Variants in CTDSP2 observed in about 807,000 individuals in gnomAD.
CTDSP2 encodes the protein carboxy-terminal domain RNA polymerase II polypeptide A small phosphatase 2.
Under a neutral mutation model 31.6 loss-of-function variants are expected in CTDSP2, and 9 were observed. The ratio of observed to expected loss-of-function variants is 0.28; its 90% CI spans 0.17 to 0.50. The LOEUF (loss-of-function observed/expected upper bound fraction) is 0.50, where lower values mean the gene tolerates loss of function less well. CTDSP2 is among the 20% of genes least tolerant of loss of function. The pLI is 0.98. For missense variants in CTDSP2, 267 were observed against 348.5 expected, an observed-to-expected ratio of 0.77 and a Z score of 1.86; for synonymous variants, 134 against 134.5, an observed-to-expected ratio of 1.00 and a Z score of 0.03.
chr12:57,823,306 CCACTGAAACACTATA>C lies in CTDSP2; in HGVS notation c.*281_*295del, dbSNP rs780163574. 3.1e-4 allele frequency: 127 copies of C among 412,846 alleles called. No individual in the cohort carries two copies. Among genetic ancestry groups the C allele is most frequent in the South Asian group, 1.6e-3 (61 of 37,832 alleles). 25.6% of individuals were successfully genotyped at this position (412,846 alleles called of 1,614,324 possible). A position where few individuals can be genotyped will look rare whatever the true frequency, so the allele number is the denominator to read the frequency against. ...GAGTCTTGGTCTTTCAGCTTCTCCC[CCACTGAAACACTATA>C]CACTGGGGCCACAGTTCATGGCAAA... On this transcript the variant is annotated 3_prime_UTR_variant, in exon 8 of 8. Transcript: ENST00000398073.
At chr12:57,846,311 C>T in intron 1 of CTDSP2, 61 bp downstream of exon 1, 1 of 1,495,906 alleles carries the variant, frequency 6.7e-7, no homozygotes, top group Non-Finnish European at 9.1e-7. Context: ...GGGTTCGGGG[C>T]TGTGCTAGCC....
At position 57,824,011 on chromosome 12, in the gene CTDSP2, G is replaced by A. The variant is rs1049782028; in HGVS notation, c.583C>T (p.His195Tyr). 1 of 1,613,978 alleles carries A rather than the reference G, an allele frequency of 6.2e-7. No homozygotes were observed. The highest frequency in any genetic ancestry group is 8.5e-7 in the Non-Finnish European group (1 of 1,180,016). The change falls in exon 7 of 8, where the codon CAC (histidine) becomes TAC (tyrosine). Residue 195 changes from histidine (H) to tyrosine (Y), a missense_variant. This residue lies in a region of CTDSP2 where 156 missense variants were observed against 241.3 expected (regional missense o/e 0.65). Transcript: ENST00000398073. ...ARLFRESCVF[H>Y]QGCYVKDLSR... is the part of the protein sequence containing the mutation. The stretch of plus-strand genomic sequence containing the variant: ...AGGTCCTTGACGTAGCAGCCCTGGT[G>A]GAACACGCAAGACTCACGGAATAGG...
At chr12:57,839,537 T>C (rs1444343200) in intron 1 of CTDSP2, among the ~76,000 whole-genome samples, 1 of 152,052 alleles carries the variant, frequency 6.6e-6, no homozygotes, top group Non-Finnish European at 1.5e-5. Flanking sequence ...GCTAACACAG[T>C]GAAACCGCGT....
At chr12:57,824,830 C>T in intron 5 of CTDSP2, 1 of 369,418 alleles carries the variant, frequency 2.7e-6, no homozygotes, top group South Asian at 1.9e-5. Flanking sequence ...GAGTCTTGCT[C>T]TGCACCCGAT....
intron 1 of CTDSP2, among the ~76,000 whole-genome samples, chr12:57,835,123 C>CAA (rs1370274148): frequency 3.1e-5 from 3 of 95,952 alleles, no homozygotes; most frequent in African/African-American, 1.1e-4. Flanking sequence ...AATTCCATCT[C>CAA]AAAAAAAAAA....
intron 1 of CTDSP2, chr12:57,845,416 G>GA (rs903372691): frequency 2.2e-4 from 34 of 152,296 alleles, no homozygotes; most frequent in African/African-American, 7.2e-4. Flanking sequence ...CCCGCCCCGG[G>GA]AGAGGCCTCG....
rs751044120 is a variant in CTDSP2 at position 57,826,953 on chromosome 12, A to C, written c.354+43T>G. On this transcript the variant is annotated intron_variant, in intron 4 of 7. Transcript: ENST00000398073. ...CACATCTGTTGCCAGATTCACAAGA[A>C]GGCCCAAGATAAAGGTAGGAAGGGT... is the stretch of plus-strand genomic sequence containing the variant. 13 of 1,431,464 alleles carry C rather than the reference A, an allele frequency of 9.1e-6. No homozygotes were observed. In the Admixed American group the frequency reaches 2.2e-4, roughly 24 times the overall value. 88.7% of individuals were successfully genotyped at this position (1,431,464 alleles called of 1,614,324 possible).
At chr12:57,833,621 G>A (rs562519158) in intron 1 of CTDSP2, among the ~76,000 whole-genome samples, 14 of 152,314 alleles carry the variant, frequency 9.2e-5, no homozygotes, top group African/African-American at 3.1e-4. Flanking sequence ...ATCAGCCTCC[G>A]TGACCCTCTG....
Position 57,824,330 on chromosome 12 carries a change from G to C in CTDSP2, c.412-11C>G. On this transcript the variant is annotated splice_polypyrimidine_tract_variant and intron_variant, in intron 5 of 7. Coordinates refer to ENST00000398073, the MANE Select transcript of CTDSP2 (RefSeq NM_005730.4). ...CTTGAGCACATACACCTGAGGAAGA[G>C]CAGAGCAGCCTGTTGGAGGCATCCC... The C allele has an allele frequency of 6.2e-7, 1 of 1,606,100 alleles. No homozygotes were observed. The highest frequency in any genetic ancestry group is 8.5e-7 in the Non-Finnish European group (1 of 1,172,820).
In CTDSP2 at chr12:57,846,431, T is replaced by G. The variant is rs1592246047; in HGVS notation, c.5A>C (p.Glu2Ala). Reference protein sequence around the residue: MEHGSIITQARR... With the variant: MAHGSIITQARR... ...CGCCTGGGTGATGATGGAGCCGTGT[T>G]CCATCTAACAATCCCGCGGGCCCGG... Residue 2 changes from glutamate (E) to alanine (A), a missense_variant, in exon 1 of 8, where the codon GAA becomes GCA. By Grantham distance (107) the Glu-to-Ala change is moderately radical. Around this residue, in one of 2 missense-constraint regions of CTDSP2, gnomAD observed 111 missense variants for 107.1 expected, o/e 1.04. Transcript: ENST00000398073. The G allele has an allele frequency of 2.5e-6, 4 of 1,600,386 alleles. No individual in the cohort carries two copies. Among genetic ancestry groups the G allele is most frequent in the Non-Finnish European group, 2.6e-6 (3 of 1,174,254 alleles).
intron 1 of CTDSP2, among the ~76,000 whole-genome samples, chr12:57,832,295 A>C (rs1956220516): frequency 6.6e-6 from 1 of 152,194 alleles, no homozygotes; most frequent in Admixed American, 6.5e-5. Context: ...AGGAACCAAA[A>C]TTTCCAGGGA....
chr12:57,845,263 C>A (rs1176118570), intron 1 of CTDSP2, among the ~76,000 whole-genome samples: 1 of 152,206 alleles, frequency 6.6e-6, no homozygotes, highest in African/African-American at 2.4e-5. Context: ...ACGCCACACT[C>A]GTCCTTACAC....
intron 1 of CTDSP2, among the ~76,000 whole-genome samples, chr12:57,843,643 CCTT>C (rs1956295830): frequency 2.6e-5 from 4 of 152,212 alleles, no homozygotes; most frequent in African/African-American, 9.6e-5. Flanking sequence ...ACCTCACACT[CCTT>C]CTTCCCCTTT....
intron 1 of CTDSP2, among the ~76,000 whole-genome samples, chr12:57,832,774 A>G (rs1956223748): frequency 7.3e-6 from 1 of 136,612 alleles, no homozygotes; most frequent in Non-Finnish European, 1.6e-5. Context: ...CCTGGGCAAC[A>G]GAGCGAGACT....
chr12:57,831,884 T>C (rs888330582), intron 1 of CTDSP2, among the ~76,000 whole-genome samples: 2 of 152,204 alleles, frequency 1.3e-5, no homozygotes, highest in African/African-American at 4.8e-5. Flanking sequence ...AAGGTGGCCC[T>C]TGCAGAAGTG....
chr12:57,831,942 C>A (rs888879293), intron 1 of CTDSP2, among the ~76,000 whole-genome samples: 2 of 152,122 alleles, frequency 1.3e-5, no homozygotes, highest in Non-Finnish European at 2.9e-5. Context: ...TGCCAGTACC[C>A]CCTGGAGAGG....
rs1329540077 is a variant in CTDSP2, at chr12:57,821,968, G to A, written c.*1634C>T. Reference sequence around the variant, plus strand: ...TTGTTAGTTCCTGAGGCTGGATCTAGGGTGTGGCAATGGAAGGGATGATGG... The same window carrying A: ...TTGTTAGTTCCTGAGGCTGGATCTAAGGTGTGGCAATGGAAGGGATGATGG... On this transcript the variant is annotated 3_prime_UTR_variant, in exon 8 of 8. Transcript: ENST00000398073. 6.6e-6 allele frequency: 1 copy of A among 152,250 alleles called. No homozygotes were observed. The highest frequency in any genetic ancestry group is 2.4e-5 in the African/African-American group (1 of 41,446). The allele number at this position is 152,250 out of a possible 1,614,324, so 9.4% of individuals were successfully genotyped here.
chr12:57,829,150 C>T (rs1956200193), intron 2 of CTDSP2, among the ~76,000 whole-genome samples: 1 of 152,214 alleles, frequency 6.6e-6, no homozygotes, highest in Non-Finnish European at 1.5e-5. Context: ...TACAGGGCTG[C>T]TGGCTGGATC....
intron 1 of CTDSP2, among the ~76,000 whole-genome samples, chr12:57,840,815 C>A (rs1019219594): frequency 6.6e-6 from 1 of 152,080 alleles, no homozygotes; most frequent in African/African-American, 2.4e-5. Flanking sequence ...AATGTCAGAT[C>A]CACTCAGAGA....
Sources: allele counts gnomAD v4.1 joint callset (sites outside exome capture counted in the v4.1 genomes callset), GRCh38; gene constraint gnomAD v4.1.1; regional missense constraint gnomAD v4.1.1; transcripts MANE v1.5; gene names NCBI Gene and HGNC (gene_info 2026-07-23, HGNC 2026-07-21).